Variants in ANO4 observed in about 807,000 individuals in gnomAD.
ANO4 encodes the protein anoctamin-4.
Under a neutral mutation model 141.9 loss-of-function variants are expected in ANO4, and 69 were observed. The observed-to-expected ratio is 0.49, with a 90% confidence interval of 0.40 to 0.59. The LOEUF is 0.59. Ranked by LOEUF, ANO4 falls within the 20% of genes least tolerant of loss-of-function variation. The pLI is 0.00. For missense variants in ANO4, 894 were observed against 1,162.2 expected, an observed-to-expected ratio of 0.77 and a Z score of 3.36; for synonymous variants, 350 against 394.3, an observed-to-expected ratio of 0.89 and a Z score of 1.33.
intron 24 of ANO4, 125 bp downstream of exon 24, chr12:101,111,835 G>A (rs1422699139): frequency 6.9e-6 from 5 of 722,814 alleles, no homozygotes; most frequent in Non-Finnish European, 1.0e-5. Flanking sequence ...GCCTGTGATA[G>A]GGGAGGTGGA....
intron 1 of ANO4, among the ~76,000 whole-genome samples, chr12:100,851,177 A>ATAAAT (rs1260074989): frequency 1.3e-5 from 2 of 152,182 alleles, no homozygotes; most frequent in Non-Finnish European, 2.9e-5. Context: ...TTATACCTCC[A>ATAAAT]TCATCAATTT....
At chr12:101,001,115 A>G (rs2045617417) in intron 8 of ANO4, among the ~76,000 whole-genome samples, 1 of 152,240 alleles carries the variant, frequency 6.6e-6, no homozygotes, top group Non-Finnish European at 1.5e-5. Flanking sequence ...TCGATAGTCA[A>G]GAGGCTATTT....
At chr12:101,064,485 G>A (rs1256263155) in intron 14 of ANO4, among the ~76,000 whole-genome samples, 4 of 151,958 alleles carry the variant, frequency 2.6e-5, no homozygotes, top group Non-Finnish European at 4.4e-5. Flanking sequence ...ATGGACACGC[G>A]GAGGGGAACA....
intron 1 of ANO4, among the ~76,000 whole-genome samples, chr12:100,876,913 G>A (rs1407244817): frequency 1.3e-5 from 2 of 151,982 alleles, no homozygotes; most frequent in South Asian, 2.1e-4. Flanking sequence ...TTCTTTTTGC[G>A]CAAGATTGCC....
Position 100,807,793 on chromosome 12 carries a change from A to G in ANO4, c.-141+12766A>G, listed in dbSNP as rs112056962. Among the ~76,000 whole-genome samples the G allele has an allele frequency of 6.1e-3, 924 of 152,270 alleles. 10 individuals carry two copies. The highest frequency in any genetic ancestry group is 0.021 in the African/African-American group (879 of 41,552). On this transcript the variant is annotated intron_variant, in intron 1 of 27. Coordinates refer to ENST00000392977, the MANE Select transcript of ANO4 (RefSeq NM_001286615.2). ...ATCATTCAGCTCCCACTTATAAGTG[A>G]GAACACATGATGTTTGGTTTTCTGT...
At chr12:100,734,724 G>A (rs996763609) in intron 2 of ANO4, among the ~76,000 whole-genome samples, 9 of 152,138 alleles carry the variant, frequency 5.9e-5, no homozygotes, top group African/African-American at 2.2e-4. Context: ...CTATGCCGTG[G>A]CTTCTCAAAC....
At chr12:100,978,944 G>A (rs1051299964) in intron 7 of ANO4, among the ~76,000 whole-genome samples, 2 of 152,184 alleles carry the variant, frequency 1.3e-5, no homozygotes, top group South Asian at 2.1e-4. Flanking sequence ...GAAGAGAGTG[G>A]TAATGCTAGA....
intron 5 of ANO4, among the ~76,000 whole-genome samples, chr12:100,958,344 T>G (rs539657975): frequency 1.8e-4 from 27 of 152,236 alleles, no homozygotes; most frequent in African/African-American, 6.5e-4. Flanking sequence ...CCCATTTCAC[T>G]CTCTCTCTCT....
At chr12:100,784,747 G>A (rs1042884220) in intron 3 of ANO4, among the ~76,000 whole-genome samples, 2 of 152,198 alleles carry the variant, frequency 1.3e-5, no homozygotes, top group Non-Finnish European at 2.9e-5. Context: ...TGTTCCCAGT[G>A]TTCTGGTTTG....
intron 5 of ANO4, among the ~76,000 whole-genome samples, chr12:100,964,587 C>T (rs908971010): frequency 6.6e-6 from 1 of 152,066 alleles, no homozygotes; most frequent in African/African-American, 2.4e-5. Flanking sequence ...GAAAGTGATG[C>T]CCAGATAGTT....
chr12:101,092,747 A>G (rs1359725506), intron 17 of ANO4, among the ~76,000 whole-genome samples: 1 of 152,062 alleles, frequency 6.6e-6, no homozygotes, highest in Non-Finnish European at 1.5e-5. Flanking sequence ...CAATGTTTTC[A>G]GTGTTCACAC....
At chr12:100,787,560 G>T (rs1295134271) in intron 3 of ANO4, among the ~76,000 whole-genome samples, 1 of 152,146 alleles carries the variant, frequency 6.6e-6, no homozygotes, top group Non-Finnish European at 1.5e-5. Flanking sequence ...AAATCCTCGG[G>T]GTTGGCCAGA....
At chr12:100,730,317 C>CCT (rs1348824750) in intron 1 of ANO4, among the ~76,000 whole-genome samples, 1 of 151,984 alleles carries the variant, frequency 6.6e-6, no homozygotes, top group Non-Finnish European at 1.5e-5. Flanking sequence ...TCCCCTGCCC[C>CCT]CCAAGAGTGA....
chr12:100,998,529 C>CA (rs1238422102), intron 8 of ANO4, among the ~76,000 whole-genome samples: 1 of 152,104 alleles, frequency 6.6e-6, no homozygotes, highest in Non-Finnish European at 1.5e-5. Flanking sequence ...GAAAACTGAT[C>CA]AAAAAGCAAA....
chr12:100,970,574 C>T (rs75572758), intron 5 of ANO4, among the ~76,000 whole-genome samples: 5,873 of 152,104 alleles, frequency 0.039, 318 homozygotes, highest in African/African-American at 0.12. Flanking sequence ...TAGCCCCCTC[C>T]CATAACTGTT....
At chr12:101,062,978 C>A (rs1593165358) in intron 14 of ANO4, among the ~76,000 whole-genome samples, 1 of 152,204 alleles carries the variant, frequency 6.6e-6, no homozygotes, top group African/African-American at 2.4e-5. Context: ...CAAAAGGCTG[C>A]CCAGCTTTGT....
chr12:100,869,379 G>A (rs2038921303), intron 1 of ANO4, among the ~76,000 whole-genome samples: 1 of 152,188 alleles, frequency 6.6e-6, no homozygotes, highest in East Asian at 1.9e-4. Context: ...ATAGGAATGA[G>A]TCCTGAGGGA....
chr12:100,732,237 G>A (rs1393266906), intron 1 of ANO4, among the ~76,000 whole-genome samples: 1 of 152,162 alleles, frequency 6.6e-6, no homozygotes, highest in Non-Finnish European at 1.5e-5. Flanking sequence ...CCAGCATTTG[G>A]TCTTGTCAGT....
chr12:100,891,827 C>A (rs2040122585), intron 1 of ANO4, among the ~76,000 whole-genome samples: 1 of 151,732 alleles, frequency 6.6e-6, no homozygotes, highest in South Asian at 2.1e-4. Context: ...TTAAGTATAC[C>A]CACTATTTTG....
Sources: gnomAD v4.1 joint callset for allele counts (sites outside exome capture counted in the v4.1 genomes callset) on GRCh38, gnomAD v4.1.1 for gene constraint, MANE v1.5 for transcripts, NCBI Gene and HGNC (gene_info 2026-07-23, HGNC 2026-07-21) for gene names.